The following MACROD2 variants were observed in gnomAD, a reference collection of about 807,000 sequenced individuals.
MACROD2 encodes mono-ADP ribosylhydrolase 2.
Under a neutral mutation model 70.4 loss-of-function variants are expected in MACROD2, and 36 were observed. The observed-to-expected ratio is 0.51, with a 90% CI of 0.39 to 0.68. MACROD2 has a LOEUF of 0.68. Among genes scored for constraint, MACROD2 ranks in the 30% least tolerant of loss-of-function variants. The pLI is 0.00. For synonymous variants in MACROD2, 172 were observed against 178.8 expected, an observed-to-expected ratio of 0.96 and a Z score of 0.30; for missense variants, 496 against 538.4, an observed-to-expected ratio of 0.92 and a Z score of 0.78.
At chr20:14,725,509 C>G (rs1294860265) in intron 5 of MACROD2, among the ~76,000 whole-genome samples, 1 of 152,020 alleles carries the variant, frequency 6.6e-6, no homozygotes, top group Non-Finnish European at 1.5e-5. Context: ...CCTTAGCATG[C>G]TCATATATAG....
intron 3 of MACROD2, among the ~76,000 whole-genome samples, chr20:14,299,031 T>G (rs1414318159): frequency 1.3e-5 from 2 of 152,142 alleles, no homozygotes; most frequent in East Asian, 1.9e-4. Context: ...TTATATAAAC[T>G]TAGTTGATAA....
At chr20:15,165,972 G>T (rs1403603665) in intron 5 of MACROD2, among the ~76,000 whole-genome samples, 1 of 152,064 alleles carries the variant, frequency 6.6e-6, no homozygotes. Context: ...AGGATATTAC[G>T]CTAAGTGAAA....
chr20:15,601,381 C>G (rs532846456), intron 8 of MACROD2, among the ~76,000 whole-genome samples: 2 of 152,080 alleles, frequency 1.3e-5, no homozygotes, highest in Admixed American at 1.3e-4. Context: ...GCCCATTCAC[C>G]CATCCCAAAT....
intron 5 of MACROD2, among the ~76,000 whole-genome samples, chr20:15,118,296 G>A (rs1375746752): frequency 1.3e-5 from 2 of 150,962 alleles, no homozygotes; most frequent in Admixed American, 6.6e-5. Context: ...AGGTTGAAGC[G>A]ACTCTCCTTC....
chr20:15,140,927 G>A (rs1339579231), intron 5 of MACROD2, among the ~76,000 whole-genome samples: 1 of 152,176 alleles, frequency 6.6e-6, no homozygotes, highest in Non-Finnish European at 1.5e-5. Flanking sequence ...TTTAGTCGCA[G>A]TATGCACCAT....
intron 8 of MACROD2, among the ~76,000 whole-genome samples, chr20:15,829,414 T>C (rs1009169689): frequency 6.6e-6 from 1 of 152,152 alleles, no homozygotes; most frequent in Non-Finnish European, 1.5e-5. Flanking sequence ...GAATCATTCA[T>C]GGAAAACATG....
intron 3 of MACROD2, among the ~76,000 whole-genome samples, chr20:14,340,588 T>A (rs1358112818): frequency 6.6e-6 from 1 of 152,170 alleles, no homozygotes; most frequent in Non-Finnish European, 1.5e-5. Context: ...ATTGATTTTT[T>A]TTTTCTCTTG....
intron 2 of MACROD2, among the ~76,000 whole-genome samples, chr20:14,065,969 C>A (rs2053750740): frequency 6.6e-6 from 1 of 152,090 alleles, no homozygotes; most frequent in Non-Finnish European, 1.5e-5. Flanking sequence ...CTTGGGCAAG[C>A]AACATAACCT....
intron 10 of MACROD2, among the ~76,000 whole-genome samples, chr20:15,902,572 C>T (rs2065080352): frequency 6.6e-6 from 1 of 152,044 alleles, no homozygotes; most frequent in Admixed American, 6.6e-5. Context: ...CACCATATCT[C>T]ATGCTAATGT....
intron 2 of MACROD2, among the ~76,000 whole-genome samples, chr20:14,084,727 G>A (rs1411998056): frequency 6.6e-6 from 1 of 151,892 alleles, no homozygotes; most frequent in Admixed American, 6.6e-5. Flanking sequence ...TTAAAATCTA[G>A]TAGCACCCTC....
chr20:16,038,915 G>GT (rs1023786056), intron 15 of MACROD2, among the ~76,000 whole-genome samples: 1 of 151,858 alleles, frequency 6.6e-6, no homozygotes, highest in Non-Finnish European at 1.5e-5. Context: ...TAGACTTCAG[G>GT]TTTTTTTAAA....
intron 5 of MACROD2, chr20:14,905,610 G>A (rs959438495): frequency 2.0e-5 from 3 of 152,148 alleles, no homozygotes; most frequent in Admixed American, 6.6e-5. Flanking sequence ...CACAGTCTGG[G>A]AGACCACTAC....
chr20:15,445,905 C>G (rs998444450), intron 7 of MACROD2, among the ~76,000 whole-genome samples: 18 of 152,120 alleles, frequency 1.2e-4, no homozygotes, highest in Non-Finnish European at 2.2e-4. Context: ...GTCTGGGAAT[C>G]AGACAATCAT....
intron 5 of MACROD2, among the ~76,000 whole-genome samples, chr20:14,859,554 A>G (rs1488603554): frequency 6.6e-6 from 1 of 152,090 alleles, no homozygotes; most frequent in Non-Finnish European, 1.5e-5. Context: ...ACACAATACT[A>G]TTTGTTGGAT....
At chr20:15,472,472 G>GATTT (rs1409514652) in intron 7 of MACROD2, among the ~76,000 whole-genome samples, 1 of 152,036 alleles carries the variant, frequency 6.6e-6, no homozygotes, top group Non-Finnish European at 1.5e-5. Context: ...ACTGGCCTCA[G>GATTT]ATTTACTTTG....
At chr20:14,111,679 A>G (rs2054452937) in intron 3 of MACROD2, among the ~76,000 whole-genome samples, 1 of 152,020 alleles carries the variant, frequency 6.6e-6, no homozygotes. Context: ...ACCCCAGTTA[A>G]AATGGCTTAT....
At chr20:14,333,287 A>T (rs2082876583) in intron 3 of MACROD2, among the ~76,000 whole-genome samples, 1 of 152,050 alleles carries the variant, frequency 6.6e-6, no homozygotes, top group Admixed American at 6.6e-5. Flanking sequence ...GTTACTGGTT[A>T]TTTTCCCCGG....
chr20:14,488,608 CACAT>C (rs1162021987), intron 3 of MACROD2, among the ~76,000 whole-genome samples: 2 of 152,078 alleles, frequency 1.3e-5, no homozygotes, highest in African/African-American at 4.8e-5. Flanking sequence ...CACACAGAGA[CACAT>C]ACATATATTT....
chr20:14,076,049 T>C (rs1051300166), intron 2 of MACROD2, among the ~76,000 whole-genome samples: 1 of 152,244 alleles, frequency 6.6e-6, no homozygotes, highest in African/African-American at 2.4e-5. Flanking sequence ...TTATCAAGAA[T>C]ACAATTTTGA....
Sources: gnomAD v4.1 joint callset for allele counts (sites outside exome capture counted in the v4.1 genomes callset) on GRCh38, gnomAD v4.1.1 for gene constraint, MANE v1.5 for transcripts, NCBI Gene and HGNC (gene_info 2026-07-23, HGNC 2026-07-21) for gene names.